Variants in MGAT4C observed in about 807,000 individuals in gnomAD.
MGAT4C encodes MGAT4 family member C.
In MGAT4C, 19 loss-of-function variants were observed where a neutral mutation model predicts 40.1. That is an observed-to-expected ratio of 0.47 (90% CI 0.33 to 0.70). The LOEUF (loss-of-function observed/expected upper bound fraction) is 0.70, where lower values mean the gene tolerates loss of function less well. Ranked by LOEUF, MGAT4C falls within the 30% of genes least tolerant of loss-of-function variation. MGAT4C has a pLI of 0.02. For missense variants in MGAT4C, 491 were observed against 563.2 expected, an observed-to-expected ratio of 0.87 and a Z score of 1.30; for synonymous variants, 181 against 187.1, an observed-to-expected ratio of 0.97 and a Z score of 0.27.
chr12:86,532,372 C>A (rs1331852927), intron 2 of MGAT4C, among the ~76,000 whole-genome samples: 1 of 151,770 alleles, frequency 6.6e-6, no homozygotes, highest in African/African-American at 2.4e-5. Context: ...TGTAAATCTT[C>A]CAGAATAAAA....
chr12:86,821,670 G>A (rs950760509), intron 1 of MGAT4C, among the ~76,000 whole-genome samples: 2 of 150,786 alleles, frequency 1.3e-5, no homozygotes, highest in Non-Finnish European at 3.0e-5. Context: ...GTGCACCAGG[G>A]AGGTTTCATT....
chr12:86,096,602 T>G (rs1405521217), intron 1 of MGAT4C, among the ~76,000 whole-genome samples: 1 of 151,620 alleles, frequency 6.6e-6, no homozygotes, highest in Non-Finnish European at 1.5e-5. Flanking sequence ...GAATCTTTTT[T>G]TTATGATCAA....
intron 3 of MGAT4C, among the ~76,000 whole-genome samples, chr12:86,379,579 C>T (rs1444674388): frequency 6.6e-6 from 1 of 152,020 alleles, no homozygotes; most frequent in Middle Eastern, 3.2e-3. Flanking sequence ...TAGAACGGTA[C>T]ATGGCACACA....
chr12:86,618,924 A>C (rs950933140), intron 2 of MGAT4C, among the ~76,000 whole-genome samples: 1 of 152,118 alleles, frequency 6.6e-6, no homozygotes, highest in Non-Finnish European at 1.5e-5. Context: ...CCAAAATATC[A>C]CATGTACCAC....
Position 86,626,174 on chromosome 12 carries a change from TA to T in MGAT4C, c.-229+101034del, listed in dbSNP as rs540620803. ...TGAAGAAGATTTGAATTAAAATTTT[TA>T]CACAATTCCTGCTGTGAAGAAGATT... On this transcript the variant is annotated intron_variant, in intron 2 of 7. Transcript: ENST00000548651. Among the ~76,000 whole-genome samples, 6 of 152,332 alleles carry T rather than the reference TA, an allele frequency of 3.9e-5. No homozygotes were observed. In the South Asian group the frequency reaches 1.2e-3, roughly 32 times the overall value.
chr12:86,534,243 T>C (rs1959034093), intron 2 of MGAT4C, among the ~76,000 whole-genome samples: 1 of 152,108 alleles, frequency 6.6e-6, no homozygotes, highest in Non-Finnish European at 1.5e-5. Flanking sequence ...TACAACCTCT[T>C]CTTTTAACCC....
At chr12:86,603,223 A>G (rs147861564) in intron 2 of MGAT4C, among the ~76,000 whole-genome samples, 4,491 of 144,534 alleles carry the variant, frequency 0.031, 115 homozygotes, top group African/African-American at 0.073. Context: ...ATAGTATAAT[A>G]TAATATAATA....
rs1236522986 is a variant in MGAT4C at position 86,025,165 on chromosome 12, CT to C, written c.-7+24508del. 3.3e-5 allele frequency among the ~76,000 whole-genome samples: 5 copies of C among 151,440 alleles called. No individual in the cohort carries two copies. In the East Asian group the frequency reaches 9.7e-4, roughly 29 times the overall value. On this transcript the variant is annotated intron_variant, in intron 2 of 4. Coordinates refer to ENST00000611864, the MANE Select transcript of MGAT4C (RefSeq NM_001351288.2). ...TTTTTATACCAATATTTCAGCTTAT[CT>C]TTTTTTCAATTCCCCCCATGGTATA...
At chr12:86,347,126 C>T (rs1955053116) in intron 3 of MGAT4C, among the ~76,000 whole-genome samples, 1 of 152,098 alleles carries the variant, frequency 6.6e-6, no homozygotes. Flanking sequence ...TTGCAGACGG[C>T]CTATGGTGGG....
At chr12:86,247,791 C>T (rs116971952) in intron 1 of MGAT4C, among the ~76,000 whole-genome samples, 1 of 152,184 alleles carries the variant, frequency 6.6e-6, no homozygotes, top group East Asian at 1.9e-4. Context: ...CATGCTGGGC[C>T]TTATGAAGCA....
At chr12:86,578,958 T>C (rs965401093) in intron 2 of MGAT4C, among the ~76,000 whole-genome samples, 3 of 151,648 alleles carry the variant, frequency 2.0e-5, no homozygotes, top group African/African-American at 7.2e-5. Context: ...TTGAAATCTA[T>C]TTTTTCTGAT....
At chr12:86,586,811 C>T (rs1361162790) in intron 2 of MGAT4C, among the ~76,000 whole-genome samples, 15 of 151,550 alleles carry the variant, frequency 9.9e-5, no homozygotes, top group Admixed American at 7.9e-4. Flanking sequence ...TGTTTTTTTT[C>T]TTGTAAATTT....
intron 3 of MGAT4C, among the ~76,000 whole-genome samples, chr12:86,364,347 G>A (rs1253979647): frequency 2.6e-5 from 4 of 151,840 alleles, no homozygotes; most frequent in Non-Finnish European, 5.9e-5. Flanking sequence ...ATTGCTTCTG[G>A]GGACTAAGCA....
intron 1 of MGAT4C, among the ~76,000 whole-genome samples, chr12:86,830,753 A>T (rs200437720): frequency 7.8e-6 from 1 of 128,918 alleles, no homozygotes; most frequent in East Asian, 2.1e-4. Context: ...ACAAACAAAC[A>T]AACTTGTCAC....
At chr12:86,663,176 T>C (rs2136551465) in intron 2 of MGAT4C, among the ~76,000 whole-genome samples, 1 of 151,854 alleles carries the variant, frequency 6.6e-6, no homozygotes, top group East Asian at 1.9e-4. Flanking sequence ...CTGGGTAACA[T>C]GGCAAAACTC....
chr12:86,837,738 G>A (rs1203497048), intron 1 of MGAT4C, among the ~76,000 whole-genome samples: 1 of 151,716 alleles, frequency 6.6e-6, no homozygotes, highest in Non-Finnish European at 1.5e-5. Flanking sequence ...ATGTTTATAA[G>A]ATCACTGTGA....
intron 1 of MGAT4C, among the ~76,000 whole-genome samples, chr12:86,743,928 C>T (rs1030450348): frequency 5.3e-5 from 8 of 151,546 alleles, no homozygotes; most frequent in Admixed American, 6.6e-5. Flanking sequence ...AAGTGGCACA[C>T]TCAAAATGTA....
At chr12:86,121,795 G>A (rs1356693527) in intron 1 of MGAT4C, among the ~76,000 whole-genome samples, 1 of 152,094 alleles carries the variant, frequency 6.6e-6, no homozygotes, top group Non-Finnish European at 1.5e-5. Flanking sequence ...GCAAAAACAT[G>A]CCAAAAGCAG....
intron 2 of MGAT4C, among the ~76,000 whole-genome samples, chr12:86,509,993 C>T (rs1428666998): frequency 6.6e-6 from 1 of 152,140 alleles, no homozygotes; most frequent in African/African-American, 2.4e-5. Flanking sequence ...GATATACAGT[C>T]ATGTCGTCTG....
Sources: allele counts gnomAD v4.1 joint callset (sites outside exome capture counted in the v4.1 genomes callset), GRCh38; gene constraint gnomAD v4.1.1; transcripts MANE v1.5; gene names NCBI Gene and HGNC (gene_info 2026-07-23, HGNC 2026-07-21).